SEMA6C: variants seen among roughly 807,000 people sequenced by gnomAD.
SEMA6C encodes the protein semaphorin-6C.
In SEMA6C, 37 loss-of-function variants were observed where a neutral mutation model predicts 72.9. That is an observed-to-expected ratio of 0.51 (90% CI 0.39 to 0.67). SEMA6C has a LOEUF of 0.67. SEMA6C is among the 30% of genes least tolerant of loss of function. The pLI is 0.00. For synonymous variants in SEMA6C, 578 were observed against 554.1 expected, an observed-to-expected ratio of 1.04 and a Z score of -0.61; for missense variants, 1,189 against 1,263.6, an observed-to-expected ratio of 0.94 and a Z score of 0.89.
At chr1:151,135,438 C>G (rs1370049148) in intron 14 of SEMA6C, 129 bp from the exon 15 acceptor site, 1 of 1,445,886 alleles carries the variant, frequency 6.9e-7, no homozygotes, top group Non-Finnish European at 9.4e-7. Context: ...CCCGCCCTAC[C>G]ACACTGTCCA....
chr1:151,142,723 C>T, intron 2 of SEMA6C, 48 bp from the exon 3 acceptor site: 1 of 976,602 alleles, frequency 1.0e-6, no homozygotes, highest in Non-Finnish European at 1.5e-6. Context: ...AGTTCCCTCT[C>T]CCCTGAAGCA....
intron 3 of SEMA6C, among the ~76,000 whole-genome samples, chr1:151,142,239 C>T (rs1010984970): frequency 3.3e-5 from 5 of 152,064 alleles, no homozygotes; most frequent in Non-Finnish European, 7.4e-5. Flanking sequence ...GGGGTTTCAC[C>T]GTGTTAGCCA....
rs1682163774 is a variant in SEMA6C, at chr1:151,137,705, C to T, written c.756+6G>A. The stretch of plus-strand genomic sequence containing the variant: ...CAGCTACCCACCCTGATGCCCACCT[C>T]CTTACCCTCCCCAGCCGAGCATCCT... On this transcript the variant is annotated splice_donor_region_variant and intron_variant, in intron 10 of 18. Transcript: ENST00000368914. 6.2e-7 allele frequency: 1 copy of T among 1,611,000 alleles called. No homozygotes were observed. The highest frequency in any genetic ancestry group is 8.5e-7 in the Non-Finnish European group (1 of 1,177,770).
In SEMA6C at chr1:151,136,181, A is replaced by C; in HGVS notation, c.1107-18T>G. 1 of 1,612,810 alleles carries C rather than the reference A, an allele frequency of 6.2e-7. No individual in the cohort carries two copies. The highest frequency in any genetic ancestry group is 8.5e-7 in the Non-Finnish European group (1 of 1,179,752). On this transcript the variant is annotated intron_variant, in intron 12 of 18. Transcript: ENST00000368914. ...ATCCTGGCCTGGTGGGTGAATGGGA[A>C]GGGGCTGCCTTTGGACTGGGAGCTG...
Position 151,133,625 on chromosome 1 carries a change from C to T in SEMA6C, c.1760-108G>A, listed in dbSNP as rs781598834. The stretch of plus-strand genomic sequence containing the variant: ...AGGCCTGACATCATCGTCCCTCCCG[C>T]TGCTACTCAGCCTCACTCCTACAGC... On this transcript the variant is annotated intron_variant, in intron 18 of 18. Coordinates refer to ENST00000368914, the MANE Select transcript of SEMA6C (RefSeq NM_030913.6). The surrounding 1 kb of genome is among the most constrained non-coding windows in gnomAD (Gnocchi z 5.9). 3.2e-5 allele frequency: 45 copies of T among 1,428,218 alleles called. No individual in the cohort carries two copies. Among genetic ancestry groups the T allele is most frequent in the Non-Finnish European group, 3.9e-5 (43 of 1,093,562 alleles). The allele number at this position is 1,428,218 out of a possible 1,614,324, so 88.5% of individuals were successfully genotyped here.
chr1:151,143,407 AC>A (rs1682718530), intron 2 of SEMA6C, among the ~76,000 whole-genome samples: 1 of 151,846 alleles, frequency 6.6e-6, no homozygotes, highest in Non-Finnish European at 1.5e-5. Flanking sequence ...CCACTGTGCC[AC>A]CCCCTCCAGG....
Position 151,133,263 on chromosome 1 carries a change from C to T in SEMA6C, c.2014G>A (p.Asp672Asn). 3.2e-6 allele frequency: 5 copies of T among 1,580,534 alleles called. No homozygotes were observed. Among genetic ancestry groups the T allele is most frequent in the Non-Finnish European group, 4.3e-6 (5 of 1,168,080 alleles). The change falls in exon 19 of 19, where the codon GAC becomes AAC. Residue 672 changes from aspartate (D) to asparagine (N), a missense_variant. Asp to Asn is a conservative substitution (Grantham distance 23). This residue lies in a region of SEMA6C where 721 missense variants were observed against 686.2 expected (regional missense o/e 1.05). Coordinates refer to ENST00000368914, the MANE Select transcript of SEMA6C (RefSeq NM_030913.6). The surrounding 1 kb of genome is among the most constrained non-coding windows in gnomAD (Gnocchi z 5.9). ...TAGAGCTGCGGCGTCTGCACCGCGT[C>T]CCCGTCCTTGGAGGGCGGCGGGGGC... ...PEPPPPSKDG[D>N]AVQTPQLYTT...
At chr1:151,135,005 C>A (rs1681901003) in intron 15 of SEMA6C, 130 bp from the exon 16 acceptor site, 1 of 1,343,226 alleles carries the variant, frequency 7.4e-7, no homozygotes, top group South Asian at 1.3e-5. Context: ...TCAGTCTCTC[C>A]ACACCCTGGT....
chr1:151,137,113 C>T (rs756031969), intron 10 of SEMA6C, 39 bp from the exon 11 acceptor site: 1 of 1,565,448 alleles, frequency 6.4e-7, no homozygotes, highest in Non-Finnish European at 8.8e-7. Flanking sequence ...GTGAGACAGA[C>T]CCACAGGGCC....
At position 151,132,339 on chromosome 1, in the gene SEMA6C, G is replaced by A. The variant is rs1362430760; in HGVS notation, c.*145C>T. 2 of 1,541,586 alleles carry A rather than the reference G, an allele frequency of 1.3e-6. No individual in the cohort carries two copies. The highest frequency in any genetic ancestry group is 1.2e-5 in the South Asian group (1 of 82,784). ...AAAGACAGTCAATAAATAAACCCGA[G>A]GCGAAAAGGGGCCTCGGGAGACTCT... On this transcript the variant is annotated 3_prime_UTR_variant, in exon 19 of 19. Coordinates refer to ENST00000368914, the MANE Select transcript of SEMA6C (RefSeq NM_030913.6).
In SEMA6C at chr1:151,140,002, C is replaced by T. The variant is rs758658359; in HGVS notation, c.207G>A (p.Leu69=). The T allele has an allele frequency of 1.9e-6, 3 of 1,614,052 alleles. No homozygotes were observed. Among genetic ancestry groups the T allele is most frequent in the Non-Finnish European group, 2.5e-6 (3 of 1,180,036 alleles). The part of the protein sequence containing the change: ...LGLDFQRFLT[L]NRTLLVAARD... ...GGGCAGCCACTAGCAAGGTCCGGTTCAAGGTCAGGAATCTCTGAAAGTCCA... is the reference window on the plus strand; with the variant it reads ...GGGCAGCCACTAGCAAGGTCCGGTTTAAGGTCAGGAATCTCTGAAAGTCCA... The change falls in exon 4 of 19, where the codon TTG becomes TTA. Residue 69 remains leucine, a synonymous_variant. Transcript: ENST00000368914.
intron 3 of SEMA6C, among the ~76,000 whole-genome samples, chr1:151,142,080 T>C (rs1364235771): frequency 1.3e-5 from 2 of 150,394 alleles, no homozygotes; most frequent in Non-Finnish European, 3.0e-5. Flanking sequence ...CTCGCTCTGT[T>C]GCCCAGGCTG....
chr1:151,134,350 C>T (rs765044754), intron 18 of SEMA6C, 51 bp downstream of exon 18: 2 of 1,484,882 alleles, frequency 1.3e-6, no homozygotes, highest in South Asian at 2.4e-5. Context: ...GACACACACT[C>T]AGGTATGTGG....
chr1:151,135,506 T>C, intron 14 of SEMA6C, 85 bp downstream of exon 14: 1 of 1,510,244 alleles, frequency 6.6e-7, no homozygotes, highest in Admixed American at 2.0e-5. Context: ...CCAATGTTGA[T>C]GTTTCCAACC....
At chr1:151,135,357 T>C (rs1681932590) in intron 14 of SEMA6C, 48 bp from the exon 15 acceptor site, 2 of 1,581,934 alleles carry the variant, frequency 1.3e-6, no homozygotes, top group Admixed American at 3.7e-5. Flanking sequence ...GAGGCTACCT[T>C]TTCCCTGAGT....
At chr1:151,139,074 C>T (rs1375412326) in intron 6 of SEMA6C, among the ~76,000 whole-genome samples, 2 of 127,760 alleles carry the variant, frequency 1.6e-5, no homozygotes, top group Non-Finnish European at 3.2e-5. Context: ...GTCTGGGCAA[C>T]AGACTGAGAC....
chr1:151,134,911 T>C lies in SEMA6C; in HGVS notation c.1581-36A>G, dbSNP rs751977594. On this transcript the variant is annotated intron_variant, in intron 15 of 18. Transcript: ENST00000368914. ...CGGAGGTGTGTGAGGCTGGATCCCT[T>C]TCTACTCCAGTCACTTTCCATTCTG... The C allele has an allele frequency of 2.5e-6, 4 of 1,578,102 alleles. No individual in the cohort carries two copies. In the East Asian group the frequency reaches 9.0e-5, roughly 35 times the overall value.
At chr1:151,139,609 T>C (rs754923395) in intron 5 of SEMA6C, 29 bp downstream of exon 5, 6 of 1,606,492 alleles carry the variant, frequency 3.7e-6, no homozygotes, top group Non-Finnish European at 5.1e-6. Context: ...CATCTCCACG[T>C]CTGCACCTCT....
chr1:151,136,871 G>C lies in SEMA6C; in HGVS notation c.960C>G (p.Thr320=). 6.2e-7 allele frequency: 1 copy of C among 1,613,772 alleles called. No individual in the cohort carries two copies. ...HGRSALFGVF[T]TQTNSIPGSA... ...CTAGTACCAACCTATTGGTCTGGGT[G>C]GTGAAGACCCCAAAGAGAGCAGAGC... is the stretch of plus-strand genomic sequence containing the variant. The change falls in exon 11 of 19, where the codon ACC becomes ACG. Residue 320 remains threonine (T), a synonymous_variant. Transcript: ENST00000368914.
Sources: gnomAD v4.1 joint callset for allele counts (sites outside exome capture counted in the v4.1 genomes callset) on GRCh38, gnomAD v4.1.1 for gene constraint, gnomAD v4.1.1 regional missense constraint, Gnocchi (gnomAD v3.1) non-coding constraint, MANE v1.5 for transcripts, NCBI Gene and HGNC (gene_info 2026-07-23, HGNC 2026-07-21) for gene names.